The following CCNY variants were observed in gnomAD, a reference collection of about 807,000 sequenced individuals.
CCNY encodes the protein cyclin-Y.
CCNY carries 19 observed loss-of-function variants against 42.8 expected under a neutral mutation model. The ratio of observed to expected loss-of-function variants is 0.44; its 90% CI spans 0.31 to 0.65. The LOEUF (loss-of-function observed/expected upper bound fraction) is 0.65. Among genes scored for constraint, CCNY ranks in the 30% least tolerant of loss-of-function variants. The pLI, the probability that CCNY is intolerant of heterozygous loss-of-function variation, is 0.07. For synonymous variants in CCNY, 165 were observed against 162.7 expected, an observed-to-expected ratio of 1.01 and a Z score of -0.11; for missense variants, 370 against 437.3, an observed-to-expected ratio of 0.85 and a Z score of 1.37.
At chr10:35,250,805 G>C (rs559811309) in intron 3 of CCNY, among the ~76,000 whole-genome samples, 1 of 152,198 alleles carries the variant, frequency 6.6e-6, no homozygotes, top group Non-Finnish European at 1.5e-5. Context: ...CATCTGGGAA[G>C]ATTCAGGGCT....
chr10:35,257,340 G>A (rs552199038), intron 3 of CCNY, among the ~76,000 whole-genome samples: 158 of 136,612 alleles, frequency 1.2e-3, no homozygotes, highest in African/African-American at 3.9e-3. Context: ...ACAGGATCTC[G>A]CTATGTTACT....
chr10:35,379,768 C>T (rs776631890), intron 1 of CCNY, among the ~76,000 whole-genome samples: 3 of 152,208 alleles, frequency 2.0e-5, no homozygotes, highest in Non-Finnish European at 2.9e-5. Context: ...TTCTCTCGTG[C>T]TTGCCTTTGC....
chr10:35,325,479 C>CTTT (rs1207832860), intron 3 of CCNY, among the ~76,000 whole-genome samples: 1 of 132,886 alleles, frequency 7.5e-6, no homozygotes, highest in African/African-American at 2.8e-5. Context: ...AGCACAGACC[C>CTTT]TTTTTTTTTT....
In CCNY at chr10:35,386,859, G is replaced by A. The variant is rs189049580; in HGVS notation, c.154+49652G>A. Among the ~76,000 whole-genome samples, 22 of 148,504 alleles carry A rather than the reference G, an allele frequency of 1.5e-4. No homozygotes were observed. The East Asian group carries it at 3.8e-3, about 25-fold the overall frequency. ...AACCTGTTTTTTTGTTTGTTGTTTG[G>A]TTTTTATGGAGGGGTGGGGGATGGT... On this transcript the variant is annotated intron_variant, in intron 1 of 9. Transcript: ENST00000374704.
Position 35,279,013 on chromosome 10 carries a change from T to C in CCNY, c.-9+28387T>C, listed in dbSNP as rs543558264. The stretch of plus-strand genomic sequence containing the variant: ...AAACAACCAAACAAGACACCCTCTG[T>C]TGGGGGCTCAGTGCGGCTCTCCAGA... On this transcript the variant is annotated intron_variant, in intron 3 of 11. Coordinates refer to the CCNY transcript ENST00000374706. 1.1e-4 allele frequency among the ~76,000 whole-genome samples: 16 copies of C among 152,110 alleles called. No homozygotes were observed. In the South Asian group the frequency reaches 3.3e-3, roughly 32 times the overall value.
chr10:35,439,779 A>G (rs954660908), intron 1 of CCNY, among the ~76,000 whole-genome samples: 4 of 151,084 alleles, frequency 2.6e-5, no homozygotes, highest in African/African-American at 9.8e-5. Flanking sequence ...TAGTTGACTT[A>G]TGGCATTGCT....
intron 1 of CCNY, among the ~76,000 whole-genome samples, chr10:35,395,714 G>A (rs1407317982): frequency 5.3e-5 from 8 of 152,228 alleles, no homozygotes; most frequent in African/African-American, 1.7e-4. Flanking sequence ...AGAGCAGTCC[G>A]ACTAAAGTTT....
At chr10:35,493,076 T>G (rs1163960746) in intron 2 of CCNY, among the ~76,000 whole-genome samples, 1 of 152,170 alleles carries the variant, frequency 6.6e-6, no homozygotes, top group African/African-American at 2.4e-5. Context: ...CGTGGCTCAC[T>G]TTTCTTGGGT....
At chr10:35,535,204 T>A (rs1487615967) in intron 7 of CCNY, among the ~76,000 whole-genome samples, 2 of 151,884 alleles carry the variant, frequency 1.3e-5, no homozygotes, top group African/African-American at 4.8e-5. Flanking sequence ...CCCTTCGTAT[T>A]TATTGAGTAA....
chr10:35,537,519 C>G (rs564867011), intron 7 of CCNY, among the ~76,000 whole-genome samples: 6 of 152,204 alleles, frequency 3.9e-5, no homozygotes, highest in Non-Finnish European at 8.8e-5. Context: ...GGGGACTATT[C>G]CTTGCAAAAC....
chr10:35,420,554 A>G (rs1288905275), intron 1 of CCNY, among the ~76,000 whole-genome samples: 2 of 152,108 alleles, frequency 1.3e-5, no homozygotes, highest in Non-Finnish European at 1.5e-5. Context: ...GCAACTCAGC[A>G]CCTGATGGGG....
chr10:35,503,464 C>T (rs1332157033), intron 3 of CCNY, among the ~76,000 whole-genome samples: 5 of 152,272 alleles, frequency 3.3e-5, no homozygotes, highest in Middle Eastern at 3.4e-3. Flanking sequence ...TAGGAAAAGC[C>T]GTGGGAGTGT....
chr10:35,541,939 C>T (rs757043208), intron 7 of CCNY, among the ~76,000 whole-genome samples: 10 of 147,746 alleles, frequency 6.8e-5, no homozygotes, highest in Non-Finnish European at 1.0e-4. Flanking sequence ...GTCTAGTTGT[C>T]GTTACCCAGC....
At chr10:35,372,902 T>G (rs529008480) in intron 1 of CCNY, among the ~76,000 whole-genome samples, 1 of 152,176 alleles carries the variant, frequency 6.6e-6, no homozygotes. Flanking sequence ...TTCACCATGT[T>G]GGCCAGGCTG....
intron 4 of CCNY, among the ~76,000 whole-genome samples, chr10:35,521,315 A>C (rs533607645): frequency 6.6e-6 from 1 of 152,164 alleles, no homozygotes; most frequent in Admixed American, 6.5e-5. Flanking sequence ...GAAGTTGGGC[A>C]CTCCGGGTCC....
At chr10:35,387,972 T>G (rs1837333092) in intron 1 of CCNY, among the ~76,000 whole-genome samples, 1 of 152,136 alleles carries the variant, frequency 6.6e-6, no homozygotes, top group Non-Finnish European at 1.5e-5. Context: ...ATGACTTAGT[T>G]GAGTCATCTC....
At chr10:35,304,922 A>T (rs1295403371) in intron 3 of CCNY, among the ~76,000 whole-genome samples, 1 of 152,190 alleles carries the variant, frequency 6.6e-6, no homozygotes, top group Non-Finnish European at 1.5e-5. Flanking sequence ...GATGGAAGAG[A>T]CACTAATTCA....
chr10:35,453,146 A>G (rs1224245686), intron 1 of CCNY, among the ~76,000 whole-genome samples: 5 of 152,124 alleles, frequency 3.3e-5, no homozygotes, highest in Non-Finnish European at 7.4e-5. Context: ...TTTGTTGCCT[A>G]GGCTGATCTC....
At chr10:35,415,367 G>A (rs1162613394) in intron 1 of CCNY, among the ~76,000 whole-genome samples, 2 of 151,754 alleles carry the variant, frequency 1.3e-5, no homozygotes, top group Non-Finnish European at 2.9e-5. Context: ...GATAGATGGA[G>A]CCTAGCCTTG....
Sources: allele counts gnomAD v4.1 joint callset (sites outside exome capture counted in the v4.1 genomes callset), GRCh38; gene constraint gnomAD v4.1.1; transcripts MANE v1.5; gene names NCBI Gene and HGNC (gene_info 2026-07-23, HGNC 2026-07-21).